RBFOX1: variants seen among roughly 807,000 people sequenced by gnomAD.
The protein encoded by RBFOX1 is RNA binding fox-1 homolog 1.
RBFOX1 carries 8 observed loss-of-function variants against 57.7 expected under a neutral mutation model. The ratio of observed to expected loss-of-function variants is 0.14; its 90% confidence interval spans 0.08 to 0.25. The LOEUF is 0.25. RBFOX1 is among the 10% of genes least tolerant of loss of function. RBFOX1 has a pLI of 1.00. For synonymous variants in RBFOX1, 326 were observed against 222.4 expected (o/e 1.47, Z -4.15); for missense variants, 611 against 548.5 (o/e 1.11, Z -1.14).
At chr16:6,392,913 G>A (rs1431533074) in intron 2 of RBFOX1, among the ~76,000 whole-genome samples, 2 of 152,156 alleles carry the variant, frequency 1.3e-5, no homozygotes, top group Admixed American at 1.3e-4. Context: ...TAAACCATAT[G>A]ACCCACCCTC....
chr16:7,691,575 A>C (rs1343813216), intron 14 of RBFOX1, among the ~76,000 whole-genome samples: 3 of 152,158 alleles, frequency 2.0e-5, no homozygotes, highest in African/African-American at 7.2e-5. Context: ...TAAAATTCTG[A>C]AACAATTTTT....
At chr16:7,393,442 C>T (rs530487625) in intron 4 of RBFOX1, among the ~76,000 whole-genome samples, 1 of 152,216 alleles carries the variant, frequency 6.6e-6, no homozygotes, top group East Asian at 1.9e-4. Flanking sequence ...CTTATAGGAG[C>T]ACACTTTTTA....
At chr16:6,709,245 A>C (rs1179826696) in intron 3 of RBFOX1, among the ~76,000 whole-genome samples, 1 of 152,208 alleles carries the variant, frequency 6.6e-6, no homozygotes, top group Non-Finnish European at 1.5e-5. Context: ...CTGCAGTTTC[A>C]CACGAGCGGA....
intron 1 of RBFOX1, among the ~76,000 whole-genome samples, chr16:6,290,169 A>G (rs1302078013): frequency 7.0e-6 from 1 of 142,820 alleles, no homozygotes; most frequent in Admixed American, 7.0e-5. Flanking sequence ...GCATTACCTG[A>G]AAGTGAGCAT....
chr16:5,742,710 TAAAG>T (rs1027738916), intron 3 of RBFOX1, among the ~76,000 whole-genome samples: 1 of 152,182 alleles, frequency 6.6e-6, no homozygotes, highest in South Asian at 2.1e-4. Context: ...ATATATGACT[TAAAG>T]AAAGCGAAGT....
chr16:6,937,512 A>T (rs140918148), intron 3 of RBFOX1, among the ~76,000 whole-genome samples: 3 of 152,148 alleles, frequency 2.0e-5, no homozygotes, highest in Non-Finnish European at 1.5e-5. Context: ...TGACACAGAC[A>T]TCAGGAGATC....
At chr16:7,167,772 A>T (rs190575521) in intron 4 of RBFOX1, among the ~76,000 whole-genome samples, 1 of 152,216 alleles carries the variant, frequency 6.6e-6, no homozygotes, top group African/African-American at 2.4e-5. Context: ...CGTATTGTCT[A>T]TGGCTGCTTT....
chr16:7,397,284 A>C (rs1426948702), intron 4 of RBFOX1, among the ~76,000 whole-genome samples: 1 of 152,220 alleles, frequency 6.6e-6, no homozygotes, highest in African/African-American at 2.4e-5. Context: ...GGGTGTATTT[A>C]AAATGTAATT....
intron 3 of RBFOX1, among the ~76,000 whole-genome samples, chr16:6,902,937 T>G (rs1327618684): frequency 6.6e-6 from 1 of 152,200 alleles, no homozygotes; most frequent in Non-Finnish European, 1.5e-5. Context: ...CTTTACTTGT[T>G]CGGGGCTTAC....
intron 3 of RBFOX1, among the ~76,000 whole-genome samples, chr16:6,995,751 A>G (rs1668685802): frequency 6.6e-6 from 1 of 151,882 alleles, no homozygotes; most frequent in African/African-American, 2.4e-5. Flanking sequence ...ATAGAGTGAG[A>G]CTCCATCTTA....
rs116366370 is a variant in RBFOX1 at position 6,864,922 on chromosome 16, C to T, written c.-15-187135C>T. Reference sequence around the variant, plus strand: ...TTGGTTTCTCTTTTTGCTGATAAATCGAAAACACAAAGGTCAAAAATAAGC... The same window carrying T: ...TTGGTTTCTCTTTTTGCTGATAAATTGAAAACACAAAGGTCAAAAATAAGC... On this transcript the variant is annotated intron_variant, in intron 3 of 15. Coordinates refer to ENST00000550418, the MANE Select transcript of RBFOX1 (RefSeq NM_018723.4). 5.9e-3 allele frequency among the ~76,000 whole-genome samples: 876 copies of T among 148,948 alleles called. 15 individuals are homozygous for T. Among genetic ancestry groups the T allele is most frequent in the African/African-American group, 0.021 (829 of 40,208 alleles).
At chr16:6,520,858 T>C (rs2096484849) in intron 2 of RBFOX1, among the ~76,000 whole-genome samples, 1 of 152,120 alleles carries the variant, frequency 6.6e-6, no homozygotes, top group Non-Finnish European at 1.5e-5. Flanking sequence ...GAAGTGCTAT[T>C]GTCAATAGAA....
chr16:6,548,349 C>A (rs1000464544), intron 2 of RBFOX1, among the ~76,000 whole-genome samples: 3 of 152,216 alleles, frequency 2.0e-5, no homozygotes, highest in African/African-American at 7.2e-5. Context: ...AATGAGAATT[C>A]CAAAGGCGGA....
chr16:6,121,938 C>T (rs1041681655), intron 1 of RBFOX1, among the ~76,000 whole-genome samples: 1 of 152,196 alleles, frequency 6.6e-6, no homozygotes, highest in Admixed American at 6.5e-5. Context: ...GTCTCATTCA[C>T]TGTCTCACCC....
chr16:7,697,912 C>A (rs1381020679), intron 14 of RBFOX1, among the ~76,000 whole-genome samples: 1 of 152,170 alleles, frequency 6.6e-6, no homozygotes, highest in Non-Finnish European at 1.5e-5. Context: ...TTTTATTTAA[C>A]TTGGCTTGTC....
At chr16:6,815,535 C>A (rs1447588486) in intron 3 of RBFOX1, among the ~76,000 whole-genome samples, 1 of 152,178 alleles carries the variant, frequency 6.6e-6, no homozygotes, top group Non-Finnish European at 1.5e-5. Context: ...TCCCCTACGC[C>A]AGACATTATG....
intron 2 of RBFOX1, among the ~76,000 whole-genome samples, chr16:6,501,977 T>A (rs765010336): frequency 6.6e-6 from 1 of 152,134 alleles, no homozygotes; most frequent in Non-Finnish European, 1.5e-5. Context: ...TTTTGTAAAG[T>A]TTACATTCTT....
chr16:5,703,979 A>C (rs891840830), intron 3 of RBFOX1, among the ~76,000 whole-genome samples: 6 of 152,164 alleles, frequency 3.9e-5, no homozygotes, highest in African/African-American at 1.4e-4. Flanking sequence ...AGCCCCCTCA[A>C]ATCGTTACAT....
chr16:7,291,981 A>G (rs1390357910), intron 4 of RBFOX1, among the ~76,000 whole-genome samples: 1 of 70,426 alleles, frequency 1.4e-5, no homozygotes, highest in African/African-American at 6.6e-5. Context: ...TATATATAAT[A>G]TAGAATATAT....
Sources: allele counts gnomAD v4.1 joint callset (sites outside exome capture counted in the v4.1 genomes callset), GRCh38; gene constraint gnomAD v4.1.1; transcripts MANE v1.5; gene names NCBI Gene and HGNC (gene_info 2026-07-23, HGNC 2026-07-21).